The following NUDT3 variants were observed in gnomAD, a reference collection of about 807,000 sequenced individuals.
NUDT3 encodes diphosphoinositol polyphosphate phosphohydrolase 1.
Under a neutral mutation model 23.6 loss-of-function variants are expected in NUDT3, and 9 were observed. The ratio of observed to expected loss-of-function variants is 0.38; its 90% CI spans 0.23 to 0.66. NUDT3 has a LOEUF of 0.66. NUDT3 is among the 30% of genes least tolerant of loss of function. NUDT3 has a pLI of 0.52. For synonymous variants in NUDT3, 86 were observed against 82.6 expected (o/e 1.04, Z -0.22); for missense variants, 172 against 218.5 (o/e 0.79, Z 1.34).
At chr6:34,290,789 G>GTGA (rs1175203431) in intron 4 of NUDT3, among the ~76,000 whole-genome samples, 2 of 148,244 alleles carry the variant, frequency 1.3e-5, no homozygotes, top group South Asian at 2.2e-4. Context: ...TCAATTGTCT[G>GTGA]TGATTATTAT....
chr6:34,306,801 C>T (rs1763687716), intron 2 of NUDT3, among the ~76,000 whole-genome samples: 1 of 152,166 alleles, frequency 6.6e-6, no homozygotes, highest in Non-Finnish European at 1.5e-5. Flanking sequence ...AAAAAGATAT[C>T]TTTAATTCCA....
chr6:34,371,784 T>C (rs557183725), intron 1 of NUDT3, among the ~76,000 whole-genome samples: 4 of 152,330 alleles, frequency 2.6e-5, no homozygotes, highest in African/African-American at 4.8e-5. Context: ...CTAGAGTACA[T>C]GTACACAACG....
At chr6:34,329,133 G>A (rs1764086797) in intron 2 of NUDT3, among the ~76,000 whole-genome samples, 1 of 152,060 alleles carries the variant, frequency 6.6e-6, no homozygotes. Flanking sequence ...ATGAAATTCT[G>A]CTTTCCTGTT....
chr6:34,302,764 A>G (rs1763619335), intron 2 of NUDT3, among the ~76,000 whole-genome samples: 1 of 152,090 alleles, frequency 6.6e-6, no homozygotes, highest in Admixed American at 6.6e-5. Flanking sequence ...AAAAAAACAC[A>G]TCCCTATTCC....
At chr6:34,366,061 T>C (rs1033441434) in intron 1 of NUDT3, among the ~76,000 whole-genome samples, 1 of 150,318 alleles carries the variant, frequency 6.7e-6, no homozygotes, top group Non-Finnish European at 1.5e-5. Context: ...TATAAATAAA[T>C]AAATAATATT....
Position 34,288,232 on chromosome 6 carries a change from T to TC in NUDT3, c.*520dup, listed in dbSNP as rs1351851590. 1.3e-5 allele frequency: 2 copies of TC among 152,252 alleles called. No individual in the cohort carries two copies. Among genetic ancestry groups the TC allele is most frequent in the African/African-American group, 4.8e-5 (2 of 41,464 alleles). 9.4% of individuals were successfully genotyped at this position (152,252 alleles called of 1,614,324 possible). On this transcript the variant is annotated 3_prime_UTR_variant, in exon 5 of 5. Coordinates refer to ENST00000607016, the MANE Select transcript of NUDT3 (RefSeq NM_006703.4). The stretch of plus-strand genomic sequence containing the variant: ...TTAAACAAATTTCTCTTTCTAGAAG[T>TC]CATTTATTTACATATTATATGTCCG...
intron 2 of NUDT3, among the ~76,000 whole-genome samples, chr6:34,325,224 AT>A (rs1011759730): frequency 2.0e-5 from 3 of 149,970 alleles, no homozygotes; most frequent in African/African-American, 7.3e-5. Context: ...TATATAATGA[AT>A]TTTTTTTTCT....
intron 1 of NUDT3, among the ~76,000 whole-genome samples, chr6:34,376,537 A>T (rs1183745561): frequency 6.6e-6 from 1 of 152,122 alleles, no homozygotes; most frequent in East Asian, 1.9e-4. Flanking sequence ...TCCGCCTCCC[A>T]AAGTGCTGGG....
chr6:34,358,205 C>T (rs1461961005), intron 1 of NUDT3, among the ~76,000 whole-genome samples: 4 of 151,662 alleles, frequency 2.6e-5, no homozygotes, highest in African/African-American at 7.3e-5. Flanking sequence ...GTTTTACTGG[C>T]TTTTCCTCCA....
At chr6:34,356,759 A>G (rs1764567064) in intron 1 of NUDT3, among the ~76,000 whole-genome samples, 1 of 152,070 alleles carries the variant, frequency 6.6e-6, no homozygotes, top group Admixed American at 6.6e-5. Context: ...ATTTTTAGGT[A>G]TAATTATGGA....
chr6:34,389,014 T>C (rs947197724), intron 1 of NUDT3, among the ~76,000 whole-genome samples: 1 of 152,222 alleles, frequency 6.6e-6, no homozygotes, highest in East Asian at 1.9e-4. Context: ...TTGCCTATAA[T>C]CCCAGCATTT....
intron 1 of NUDT3, among the ~76,000 whole-genome samples, chr6:34,347,772 CA>C (rs756549913): frequency 7.9e-5 from 12 of 151,230 alleles, no homozygotes; most frequent in Non-Finnish European, 1.3e-4. Context: ...AGTGAAAGAC[CA>C]AAAAAAGAGT....
At chr6:34,368,640 T>C (rs561006482) in intron 1 of NUDT3, among the ~76,000 whole-genome samples, 3 of 152,078 alleles carry the variant, frequency 2.0e-5, no homozygotes, top group Non-Finnish European at 4.4e-5. Flanking sequence ...TGCTTTTGTT[T>C]TGTGTTTTTT....
At chr6:34,295,788 G>A (rs1179563991) in intron 2 of NUDT3, 103 bp from the exon 3 acceptor site, 3 of 1,431,654 alleles carry the variant, frequency 2.1e-6, no homozygotes, top group Non-Finnish European at 2.9e-6. Flanking sequence ...AAAACAAGAG[G>A]ACACAGCTTG....
chr6:34,369,685 T>A (rs1231550533), intron 1 of NUDT3, among the ~76,000 whole-genome samples: 1 of 152,198 alleles, frequency 6.6e-6, no homozygotes, highest in Non-Finnish European at 1.5e-5. Flanking sequence ...TGATCTAAAG[T>A]CATTTACCAT....
intron 1 of NUDT3, among the ~76,000 whole-genome samples, chr6:34,353,353 A>G (rs932912205): frequency 6.6e-6 from 1 of 152,196 alleles, no homozygotes; most frequent in Non-Finnish European, 1.5e-5. Context: ...AGAAAATATA[A>G]TGAATTCCTA....
At chr6:34,292,557 T>G (rs1057033371) in intron 4 of NUDT3, among the ~76,000 whole-genome samples, 2 of 151,990 alleles carry the variant, frequency 1.3e-5, no homozygotes, top group African/African-American at 2.4e-5. Context: ...CACAGCACCT[T>G]TTGTAAAAGT....
chr6:34,350,879 G>A (rs1764456216), intron 1 of NUDT3, among the ~76,000 whole-genome samples: 1 of 150,286 alleles, frequency 6.7e-6, no homozygotes, highest in South Asian at 2.1e-4. Flanking sequence ...ACTGTGCTAT[G>A]AACAGATATT....
At chr6:34,322,477 C>T (rs1328911599) in intron 2 of NUDT3, among the ~76,000 whole-genome samples, 1 of 152,312 alleles carries the variant, frequency 6.6e-6, no homozygotes, top group Non-Finnish European at 1.5e-5. Context: ...GATCCGCCCA[C>T]CTTGGCCTCC....
Sources: gnomAD v4.1 joint callset for allele counts (sites outside exome capture counted in the v4.1 genomes callset) on GRCh38, gnomAD v4.1.1 for gene constraint, MANE v1.5 for transcripts, NCBI Gene and HGNC (gene_info 2026-07-23, HGNC 2026-07-21) for gene names.